The following SLC25A37 variants were observed in gnomAD, a reference collection of about 807,000 sequenced individuals.
SLC25A37 encodes the protein solute carrier family 25 member 37.
Under a neutral mutation model 31.0 loss-of-function variants are expected in SLC25A37, and 17 were observed. That is an observed-to-expected ratio of 0.55 (90% CI 0.38 to 0.82). The LOEUF (loss-of-function observed/expected upper bound fraction) is 0.82. Among genes scored for constraint, SLC25A37 ranks in the 40% least tolerant of loss-of-function variants. The pLI is 0.00. For synonymous variants in SLC25A37, 222 were observed against 193.0 expected (o/e 1.15, Z -1.24); for missense variants, 404 against 465.8 (o/e 0.87, Z 1.22).
intron 1 of SLC25A37, among the ~76,000 whole-genome samples, chr8:23,565,901 A>C (rs368081090): frequency 6.6e-6 from 1 of 152,252 alleles, no homozygotes; most frequent in Non-Finnish European, 1.5e-5. Context: ...TTTATGGAGC[A>C]TAATGAAATG....
intron 1 of SLC25A37, among the ~76,000 whole-genome samples, chr8:23,551,858 A>G (rs1246050988): frequency 1.3e-5 from 2 of 152,142 alleles, no homozygotes; most frequent in African/African-American, 4.8e-5. Flanking sequence ...AGAAACTGAA[A>G]GGTGTGTTGG....
At chr8:23,543,841 C>CTTT (rs113225998) in intron 1 of SLC25A37, among the ~76,000 whole-genome samples, 1 of 151,422 alleles carries the variant, frequency 6.6e-6, no homozygotes, top group African/African-American at 2.4e-5. Context: ...CAGCAAAAAA[C>CTTT]GATGTGGTAT....
At chr8:23,559,870 G>C (rs544612872) in intron 1 of SLC25A37, among the ~76,000 whole-genome samples, 2 of 152,234 alleles carry the variant, frequency 1.3e-5, no homozygotes, top group Admixed American at 6.5e-5. Flanking sequence ...CCACTGTATG[G>C]ATATATTACA....
At chr8:23,568,477 G>A (rs1056447213) in intron 3 of SLC25A37, 99 bp downstream of exon 3, 38 of 1,364,446 alleles carry the variant, frequency 2.8e-5, no homozygotes, top group East Asian at 4.6e-5. Context: ...TGGGCAGAGC[G>A]GCTCCTAGTC....
At chr8:23,533,277 G>A (rs1243711785) in intron 1 of SLC25A37, among the ~76,000 whole-genome samples, 1 of 152,164 alleles carries the variant, frequency 6.6e-6, no homozygotes, top group Admixed American at 6.5e-5. Flanking sequence ...GGAGGCGCGT[G>A]CCCAAGAGTA....
intron 1 of SLC25A37, among the ~76,000 whole-genome samples, chr8:23,552,986 C>T (rs1425058004): frequency 6.6e-6 from 1 of 152,234 alleles, no homozygotes; most frequent in African/African-American, 2.4e-5. Context: ...TGTGAACATA[C>T]TCTAGGTGCC....
In SLC25A37 at chr8:23,528,956, C is replaced by G. The variant is rs556946915; in HGVS notation, c.-47C>G. The G allele has an allele frequency of 5.0e-6, 7 of 1,392,906 alleles. No individual in the cohort carries two copies. Among genetic ancestry groups the G allele is most frequent in the Admixed American group, 6.2e-5 (2 of 32,264 alleles). The allele number at this position is 1,392,906 out of a possible 1,614,324, so 86.3% of individuals were successfully genotyped here. On this transcript the variant is annotated 5_prime_UTR_variant, in exon 1 of 4. Coordinates refer to ENST00000519973, the MANE Select transcript of SLC25A37 (RefSeq NM_016612.4). ...GAAGTGAAGTTTTGCGCCCCTCCCCCTCCCTGCCCACCTCCTGCAGCCTCC... is the reference window on the plus strand; with the variant it reads ...GAAGTGAAGTTTTGCGCCCCTCCCCGTCCCTGCCCACCTCCTGCAGCCTCC...
intron 2 of SLC25A37, chr8:23,566,854 AG>A: frequency 1.0e-6 from 1 of 984,618 alleles, no homozygotes. Flanking sequence ...CGCGCAACGC[AG>A]AAGGCCTTTC....
intron 1 of SLC25A37, among the ~76,000 whole-genome samples, chr8:23,535,083 A>C (rs1207697017): frequency 6.6e-6 from 1 of 152,178 alleles, no homozygotes; most frequent in Non-Finnish European, 1.5e-5. Context: ...TCTTAAATCC[A>C]GATTATTATA....
chr8:23,568,681 C>T, intron 3 of SLC25A37: 2 of 377,150 alleles, frequency 5.3e-6, no homozygotes, highest in Non-Finnish European at 1.0e-5. Context: ...TGGCTCATGC[C>T]TGTAATCCCA....
chr8:23,571,664 A>G lies in SLC25A37; in HGVS notation c.826A>G (p.Ser276Gly), dbSNP rs781781264. ...ENVALSLANI[S>G]GRLSGMANAF... ...CGTGGCCCTCTCGCTGGCCAACATC[A>G]GCGGCCGGCTGTCGGGTATGGCCAA... Residue 276 changes from serine (S) to glycine (G), a missense_variant, in exon 4 of 4, where the codon AGC (serine) becomes GGC (glycine). Around this residue, in one of 3 missense-constraint regions of SLC25A37, gnomAD observed 243 missense variants for 284.4 expected, o/e 0.85. Coordinates refer to ENST00000519973, the MANE Select transcript of SLC25A37 (RefSeq NM_016612.4). The G allele has an allele frequency of 1.9e-6, 3 of 1,613,952 alleles. 1 individual carries two copies. In the South Asian group the frequency reaches 3.3e-5, roughly 18 times the overall value.
intron 1 of SLC25A37, among the ~76,000 whole-genome samples, chr8:23,548,871 G>A (rs1802145923): frequency 6.6e-6 from 1 of 152,146 alleles, no homozygotes; most frequent in Non-Finnish European, 1.5e-5. Context: ...TGGGCTGTAT[G>A]TCCTACACTT....
At position 23,568,401 on chromosome 8, in the gene SLC25A37, AG is replaced by A; in HGVS notation, c.496+27del. On this transcript the variant is annotated intron_variant, in intron 3 of 3. Coordinates refer to ENST00000519973, the MANE Select transcript of SLC25A37 (RefSeq NM_016612.4). ...AAGGTAATGTTTCATGGTCCCAGGG[AG>A]GGGCAGTAGGGGATGTGCAAAGGGG... is the stretch of plus-strand genomic sequence containing the variant. 4 of 1,613,656 alleles carry A rather than the reference AG, an allele frequency of 2.5e-6. No individual in the cohort carries two copies. The South Asian group carries it at 4.4e-5, about 18-fold the overall frequency.
intron 1 of SLC25A37, among the ~76,000 whole-genome samples, chr8:23,559,807 A>G (rs1802467540): frequency 6.6e-6 from 1 of 152,158 alleles, no homozygotes; most frequent in African/African-American, 2.4e-5. Context: ...AGAACTATCT[A>G]TGTTGTAGCC....
intron 1 of SLC25A37, among the ~76,000 whole-genome samples, chr8:23,535,278 G>A (rs943613690): frequency 3.3e-5 from 5 of 152,226 alleles, no homozygotes; most frequent in Admixed American, 3.3e-4. Flanking sequence ...AGCTCCACAT[G>A]TCTGGGCAGC....
At chr8:23,564,627 T>G (rs528800100) in intron 1 of SLC25A37, among the ~76,000 whole-genome samples, 1 of 127,728 alleles carries the variant, frequency 7.8e-6, no homozygotes, top group Non-Finnish European at 1.7e-5. Flanking sequence ...CGAGTATTTC[T>G]TGCCTATATA....
Position 23,572,040 on chromosome 8 carries a change from C to A in SLC25A37, c.*185C>A. On this transcript the variant is annotated 3_prime_UTR_variant, in exon 4 of 4. Transcript: ENST00000519973. ...ACCGGAAGGCTGTGTGCGGGGACAT[C>A]CGAGGTGGTGGTGGACAGGAAGGAC... 2 of 648,786 alleles carry A rather than the reference C, an allele frequency of 3.1e-6. No homozygotes were observed. The highest frequency in any genetic ancestry group is 5.6e-5 in the East Asian group (2 of 35,866). 40.2% of individuals were successfully genotyped at this position (648,786 alleles called of 1,614,324 possible).
chr8:23,546,560 A>ATATATATATATATATATAGTG (rs1563256134), intron 1 of SLC25A37, among the ~76,000 whole-genome samples: 9 of 77,134 alleles, frequency 1.2e-4, no homozygotes, highest in East Asian at 4.2e-4. Context: ...TATAGTGTAT[A>ATATATATATATATATATAGTG]TATATATATA....
At chr8:23,552,120 A>G (rs1585188751) in intron 1 of SLC25A37, among the ~76,000 whole-genome samples, 1 of 152,268 alleles carries the variant, frequency 6.6e-6, no homozygotes, top group African/African-American at 2.4e-5. Flanking sequence ...CACACCTTCT[A>G]GCAAGATTAA....
Sources: allele counts gnomAD v4.1 joint callset (sites outside exome capture counted in the v4.1 genomes callset), GRCh38; gene constraint gnomAD v4.1.1; regional missense constraint gnomAD v4.1.1; transcripts MANE v1.5; gene names NCBI Gene and HGNC (gene_info 2026-07-23, HGNC 2026-07-21).